IGF1R: variants seen among roughly 807,000 people sequenced by gnomAD.
The protein encoded by IGF1R is insulin-like growth factor 1 receptor.
In IGF1R, 44 loss-of-function variants were observed where a neutral mutation model predicts 144.6. The observed-to-expected ratio is 0.30, with a 90% confidence interval of 0.24 to 0.39. The LOEUF is 0.39. Among genes scored for constraint, IGF1R ranks in the 10% least tolerant of loss-of-function variants. IGF1R has a pLI of 1.00. For missense variants in IGF1R, 1,355 were observed against 1,833.7 expected (o/e 0.74, Z 4.77); for synonymous variants, 795 against 722.8 (o/e 1.10, Z -1.60).
intron 5 of IGF1R, among the ~76,000 whole-genome samples, chr15:98,901,366 G>C (rs1355508863): frequency 6.6e-6 from 1 of 152,138 alleles, no homozygotes; most frequent in Non-Finnish European, 1.5e-5. Context: ...CTTGAGCTTG[G>C]GCTCTTAAGA....
chr15:98,876,271 C>G (rs1054852150), intron 2 of IGF1R, among the ~76,000 whole-genome samples: 2 of 149,892 alleles, frequency 1.3e-5, no homozygotes, highest in Admixed American at 1.3e-4. Context: ...CATTTGAACC[C>G]AATTTTACCT....
chr15:98,768,172 T>C (rs1433059789), intron 2 of IGF1R, among the ~76,000 whole-genome samples: 2 of 152,140 alleles, frequency 1.3e-5, no homozygotes, highest in African/African-American at 4.8e-5. Flanking sequence ...CTCAGGACCT[T>C]GGATGAGCTT....
intron 2 of IGF1R, among the ~76,000 whole-genome samples, chr15:98,867,407 T>G (rs1421566731): frequency 6.6e-6 from 1 of 152,220 alleles, no homozygotes; most frequent in African/African-American, 2.4e-5. Context: ...TTGAAATACA[T>G]AAATTCGAGA....
chr15:98,931,975 C>T lies in IGF1R; in HGVS notation c.2956+1670C>T, dbSNP rs199654924. ...ATAGAACAAGGCAAGACCACTTTCT[C>T]CCTCTGTGAGGGTGGACTGTGACTC... On this transcript the variant is annotated intron_variant, in intron 15 of 20. Coordinates refer to ENST00000650285, the MANE Select transcript of IGF1R (RefSeq NM_000875.5). Among the ~76,000 whole-genome samples, 8 of 152,332 alleles carry T rather than the reference C, an allele frequency of 5.3e-5. No individual in the cohort carries two copies. In the East Asian group the frequency reaches 1.3e-3, roughly 26 times the overall value.
chr15:98,930,805 CACATTCCCCTTGG>C lies in IGF1R; in HGVS notation c.2956+501_2956+513del, dbSNP rs533329634. Reference sequence around the variant, plus strand: ...TAGGGTCATACGCTCGTGGCTCATTCACATTCCCCTTGGTAATAACTAATGAGGGCCATTCAGT... The same window carrying C: ...TAGGGTCATACGCTCGTGGCTCATTCTAATAACTAATGAGGGCCATTCAGT... On this transcript the variant is annotated intron_variant, in intron 15 of 20. Coordinates refer to ENST00000650285, the MANE Select transcript of IGF1R (RefSeq NM_000875.5). 2.2e-3 allele frequency among the ~76,000 whole-genome samples: 329 copies of C among 152,190 alleles called. 2 individuals are homozygous for C. Among genetic ancestry groups the C allele is most frequent in the Middle Eastern group, 0.017 (5 of 294 alleles).
At chr15:98,851,505 C>T (rs2011527052) in intron 2 of IGF1R, among the ~76,000 whole-genome samples, 1 of 152,218 alleles carries the variant, frequency 6.6e-6, no homozygotes, top group Non-Finnish European at 1.5e-5. Flanking sequence ...CTCCTACCTT[C>T]CCAGTCCTCC....
At chr15:98,650,362 C>T (rs767746916) in intron 1 of IGF1R, among the ~76,000 whole-genome samples, 2 of 152,222 alleles carry the variant, frequency 1.3e-5, no homozygotes, top group Non-Finnish European at 2.9e-5. Context: ...CCCGGCGTCC[C>T]GGGGCTGGGC....
At chr15:98,885,224 G>A (rs945132820) in intron 2 of IGF1R, among the ~76,000 whole-genome samples, 1 of 152,182 alleles carries the variant, frequency 6.6e-6, no homozygotes, top group African/African-American at 2.4e-5. Context: ...CGTCTATAGG[G>A]TGTAACCTAC....
At chr15:98,679,182 A>G (rs1310405047) in intron 1 of IGF1R, among the ~76,000 whole-genome samples, 1 of 152,180 alleles carries the variant, frequency 6.6e-6, no homozygotes, top group African/African-American at 2.4e-5. Context: ...TTGGGATTAC[A>G]GGCATGAGCC....
rs148776684 is a variant in IGF1R at position 98,737,723 on chromosome 15, A to G, written c.640+29616A>G. 6.8e-4 allele frequency among the ~76,000 whole-genome samples: 103 copies of G among 152,318 alleles called. No homozygotes were observed. The Middle Eastern group carries it at 0.02, about 30-fold the overall frequency. On this transcript the variant is annotated intron_variant, in intron 2 of 20. Transcript: ENST00000650285. ...AGCTTTTTTTCATCATGTATTTGTA[A>G]TAGCTGGAGCCTGCTGAGATGATGA...
intron 2 of IGF1R, among the ~76,000 whole-genome samples, chr15:98,754,458 T>A (rs2055098257): frequency 6.6e-6 from 1 of 152,204 alleles, no homozygotes; most frequent in Admixed American, 6.5e-5. Context: ...GTTGAGAAGC[T>A]GAAGGTTGGT....
chr15:98,656,369 G>T (rs1460697691), intron 1 of IGF1R, among the ~76,000 whole-genome samples: 4 of 152,172 alleles, frequency 2.6e-5, no homozygotes, highest in Non-Finnish European at 4.4e-5. Context: ...GGCCAACATG[G>T]TGCACCCCCT....
chr15:98,682,315 TC>T (rs1192655723), intron 1 of IGF1R, among the ~76,000 whole-genome samples: 3 of 152,130 alleles, frequency 2.0e-5, no homozygotes, highest in African/African-American at 7.2e-5. Context: ...CTGAGGGTGT[TC>T]CTGTAAGGTG....
intron 5 of IGF1R, among the ~76,000 whole-genome samples, chr15:98,901,621 A>C (rs2014486078): frequency 6.6e-6 from 1 of 152,240 alleles, no homozygotes; most frequent in Non-Finnish European, 1.5e-5. Flanking sequence ...AAAGAGAAGG[A>C]CAGGATACGA....
At chr15:98,942,376 C>T (rs1471597068) in intron 18 of IGF1R, among the ~76,000 whole-genome samples, 1 of 152,156 alleles carries the variant, frequency 6.6e-6, no homozygotes, top group Admixed American at 6.5e-5. Flanking sequence ...CTCTGTCACC[C>T]AAGCTGGAGT....
intron 2 of IGF1R, among the ~76,000 whole-genome samples, chr15:98,869,153 T>C (rs2012631176): frequency 6.6e-6 from 1 of 152,234 alleles, no homozygotes; most frequent in African/African-American, 2.4e-5. Flanking sequence ...TGTCATCGTC[T>C]ATTTATTTAA....
rs144588778 is a variant in IGF1R at position 98,714,824 on chromosome 15, T to A, written c.640+6717T>A. ...GTATTTCATCTTAACATTTTTTTTTTAAACTTAAGCTACTTGTGAAGAGCT... is the reference window on the plus strand; with the variant it reads ...GTATTTCATCTTAACATTTTTTTTTAAAACTTAAGCTACTTGTGAAGAGCT... On this transcript the variant is annotated intron_variant, in intron 2 of 20. Transcript: ENST00000650285. Among the ~76,000 whole-genome samples, 220 of 152,276 alleles carry A rather than the reference T, an allele frequency of 1.4e-3. 1 individual carries two copies. Among genetic ancestry groups the A allele is most frequent in the African/African-American group, 5.0e-3 (207 of 41,544 alleles).
At position 98,930,289 on chromosome 15, in the gene IGF1R, C is replaced by T. The variant is rs761583309; in HGVS notation, c.2940C>T (p.Tyr980=). The T allele has an allele frequency of 2.9e-5, 46 of 1,612,332 alleles. No individual in the cohort carries two copies. The highest frequency in any genetic ancestry group is 3.9e-5 in the Non-Finnish European group (46 of 1,179,020). Reference sequence around the variant, plus strand: ...TGTATGCCTCTGTGAACCCGGAGTACTTCAGCGCTGCTGATGGTAAGAGTC... The same window carrying T: ...TGTATGCCTCTGTGAACCCGGAGTATTTCAGCGCTGCTGATGGTAAGAGTC... ...GVLYASVNPE[Y]FSAADVYVPD... Residue 980 remains tyrosine (Y), a synonymous_variant, in exon 15 of 21, where the codon TAC becomes TAT. Coordinates refer to ENST00000650285, the MANE Select transcript of IGF1R (RefSeq NM_000875.5).
At chr15:98,931,617 T>C (rs1732005499) in intron 15 of IGF1R, among the ~76,000 whole-genome samples, 1 of 151,978 alleles carries the variant, frequency 6.6e-6, no homozygotes, top group Admixed American at 6.6e-5. Flanking sequence ...AGTGTGTGTA[T>C]ATAAGGCAGA....
Sources: allele counts gnomAD v4.1 joint callset (sites outside exome capture counted in the v4.1 genomes callset), GRCh38; gene constraint gnomAD v4.1.1; transcripts MANE v1.5; gene names NCBI Gene and HGNC (gene_info 2026-07-23, HGNC 2026-07-21).